Variants in DOCK3 observed in about 807,000 individuals in gnomAD.
The protein encoded by DOCK3 is dedicator of cytokinesis protein 3.
DOCK3 carries 60 observed loss-of-function variants against 265.6 expected under a neutral mutation model. The observed-to-expected ratio is 0.23, with a 90% confidence interval of 0.18 to 0.28. The LOEUF (loss-of-function observed/expected upper bound fraction) is 0.28. Ranked by LOEUF, DOCK3 falls within the 10% of genes least tolerant of loss-of-function variation. DOCK3 has a pLI of 1.00. For missense variants in DOCK3, 1,981 were observed against 2,594.3 expected (o/e 0.76, Z 5.14); for synonymous variants, 881 against 938.0 (o/e 0.94, Z 1.11).
Position 51,229,719 on chromosome 3 carries a change from T to TTTGTTG in DOCK3, c.1917+128_1917+133dup, listed in dbSNP as rs533052192. 3.2e-5 allele frequency: 25 copies of TTTGTTG among 771,680 alleles called. No individual in the cohort carries two copies. In the Admixed American group the frequency reaches 5.2e-4, roughly 16 times the overall value. 47.8% of individuals were successfully genotyped at this position (771,680 alleles called of 1,614,324 possible). A position where few individuals can be genotyped will look rare whatever the true frequency, so the allele number is the denominator to read the frequency against. On this transcript the variant is annotated intron_variant, in intron 19 of 52. Transcript: ENST00000266037. The stretch of plus-strand genomic sequence containing the variant: ...CCGTCTGAGACTGTTTCATCAGATT[T>TTTGTTG]TTGTTGTTGTTGTTGTTGTTGTTAG...
At chr3:50,711,421 CT>C (rs2036760395) in intron 1 of DOCK3, among the ~76,000 whole-genome samples, 1 of 151,940 alleles carries the variant, frequency 6.6e-6, no homozygotes, top group Non-Finnish European at 1.5e-5. Flanking sequence ...GCCACCACGC[CT>C]GGCTAATTTT....
intron 7 of DOCK3, among the ~76,000 whole-genome samples, chr3:51,085,447 AAAATC>A (rs1422926913): frequency 1.3e-5 from 2 of 152,208 alleles, no homozygotes; most frequent in Non-Finnish European, 2.9e-5. Context: ...CAAATTTTGA[AAAATC>A]AAAATCATGT....
At chr3:51,338,478 T>C in intron 36 of DOCK3, 59 bp downstream of exon 36, 1 of 1,542,276 alleles carries the variant, frequency 6.5e-7, no homozygotes, top group Non-Finnish European at 8.8e-7. Context: ...TGTCCTGCAC[T>C]GTGATTGGCT....
chr3:51,001,763 T>A (rs1408021959), intron 5 of DOCK3, among the ~76,000 whole-genome samples: 2 of 152,250 alleles, frequency 1.3e-5, no homozygotes, highest in African/African-American at 4.8e-5. Context: ...TTCCCACCAG[T>A]AATATATGAG....
intron 38 of DOCK3, among the ~76,000 whole-genome samples, chr3:51,343,212 G>A (rs1235053325): frequency 6.6e-6 from 1 of 152,192 alleles, no homozygotes; most frequent in East Asian, 1.9e-4. Flanking sequence ...GGAAAGAAAG[G>A]AGGAGCAGGT....
intron 9 of DOCK3, among the ~76,000 whole-genome samples, chr3:51,099,000 A>T (rs2082977793): frequency 6.6e-6 from 1 of 152,236 alleles, no homozygotes; most frequent in Non-Finnish European, 1.5e-5. Context: ...TGCCCTATGG[A>T]TGAGGAGGCC....
intron 12 of DOCK3, among the ~76,000 whole-genome samples, chr3:51,168,866 A>G (rs140475827): frequency 6.6e-6 from 1 of 151,648 alleles, no homozygotes; most frequent in African/African-American, 2.4e-5. Context: ...AATATCTAGC[A>G]TTGATAAGGA....
intron 1 of DOCK3, among the ~76,000 whole-genome samples, chr3:50,747,892 T>A (rs2039553084): frequency 6.6e-6 from 1 of 151,968 alleles, no homozygotes; most frequent in Admixed American, 6.6e-5. Flanking sequence ...GTATTGTTTT[T>A]AAAAATATTT....
At chr3:51,165,862 G>C (rs1191024527) in intron 12 of DOCK3, among the ~76,000 whole-genome samples, 3 of 151,464 alleles carry the variant, frequency 2.0e-5, no homozygotes, top group Non-Finnish European at 4.4e-5. Context: ...TATTTCAAAA[G>C]ATAAAATAGA....
At chr3:51,131,519 CA>C (rs2084540538) in intron 9 of DOCK3, among the ~76,000 whole-genome samples, 4 of 152,122 alleles carry the variant, frequency 2.6e-5, no homozygotes, top group Admixed American at 1.3e-4. Context: ...TAAACTGGTT[CA>C]AGTCTGGAAA....
At chr3:50,793,725 G>A (rs776909763) in intron 2 of DOCK3, among the ~76,000 whole-genome samples, 2 of 75,960 alleles carry the variant, frequency 2.6e-5, no homozygotes, top group African/African-American at 8.1e-5. Context: ...GGTTTTTCAT[G>A]TTTTCCTCTC....
chr3:51,121,395 A>G (rs1207967136), intron 9 of DOCK3, among the ~76,000 whole-genome samples: 1 of 152,150 alleles, frequency 6.6e-6, no homozygotes, highest in Non-Finnish European at 1.5e-5. Flanking sequence ...CCGCTTCTGC[A>G]TTGGTCTTGC....
intron 2 of DOCK3, among the ~76,000 whole-genome samples, chr3:50,789,677 A>G (rs1344628667): frequency 6.6e-6 from 1 of 152,094 alleles, no homozygotes; most frequent in African/African-American, 2.4e-5. Context: ...GTGCATATAT[A>G]TCTAGGATTC....
chr3:51,064,840 T>C (rs1369128460), intron 6 of DOCK3, among the ~76,000 whole-genome samples: 2 of 152,252 alleles, frequency 1.3e-5, no homozygotes, highest in Non-Finnish European at 2.9e-5. Flanking sequence ...AGGTAAATAA[T>C]AGGACTAGAT....
intron 1 of DOCK3, among the ~76,000 whole-genome samples, chr3:50,686,668 G>A (rs934927723): frequency 6.6e-6 from 1 of 152,114 alleles, no homozygotes; most frequent in Non-Finnish European, 1.5e-5. Flanking sequence ...CAGCACTTTC[G>A]GAGGCTGAGG....
chr3:50,778,648 T>C (rs1260758473), intron 1 of DOCK3, 27 bp from the exon 2 acceptor site: 5 of 1,537,656 alleles, frequency 3.3e-6, no homozygotes, highest in African/African-American at 2.7e-5. Context: ...AAAATGCTAA[T>C]TGGTGTGTTT....
chr3:51,195,520 T>C (rs972795777), intron 12 of DOCK3, among the ~76,000 whole-genome samples: 2 of 152,116 alleles, frequency 1.3e-5, no homozygotes, highest in East Asian at 3.9e-4. Context: ...GTTCAACTGA[T>C]TCTCCTGCCA....
At chr3:50,903,381 G>T (rs1018972434) in intron 4 of DOCK3, among the ~76,000 whole-genome samples, 1 of 152,166 alleles carries the variant, frequency 6.6e-6, no homozygotes, top group Admixed American at 6.5e-5. Flanking sequence ...ATGAAGGGAT[G>T]TTGAATTTTA....
intron 1 of DOCK3, among the ~76,000 whole-genome samples, chr3:50,723,885 G>T (rs2037635994): frequency 6.6e-6 from 1 of 152,102 alleles, no homozygotes; most frequent in Admixed American, 6.6e-5. Flanking sequence ...CACAGCAAAA[G>T]AAACTATCAT....
Sources: allele counts gnomAD v4.1 joint callset (sites outside exome capture counted in the v4.1 genomes callset), GRCh38; gene constraint gnomAD v4.1.1; transcripts MANE v1.5; gene names NCBI Gene and HGNC (gene_info 2026-07-23, HGNC 2026-07-21).